The following CHSY3 variants were observed in gnomAD, a reference collection of about 807,000 sequenced individuals.
CHSY3 encodes the protein N-acetylgalactosaminyl-proteoglycan 3-beta-glucuronosyltransferase 3.
CHSY3 carries 35 observed loss-of-function variants against 67.2 expected under a neutral mutation model. The ratio of observed to expected loss-of-function variants is 0.52; its 90% CI spans 0.40 to 0.69. CHSY3 has a LOEUF of 0.69. Ranked by LOEUF, CHSY3 falls within the 30% of genes least tolerant of loss-of-function variation. The probability of loss-of-function intolerance (pLI) is 0.00; values close to 1 mark genes in which losing one functional copy is unlikely to be tolerated. For missense variants in CHSY3, 1,069 were observed against 1,138.5 expected (o/e 0.94, Z 0.88); for synonymous variants, 474 against 434.7 (o/e 1.09, Z -1.12).
chr5:129,905,722 C>A, intron 1 of CHSY3, 91 bp downstream of exon 1: 1 of 1,537,000 alleles, frequency 6.5e-7, no homozygotes, highest in Non-Finnish European at 8.8e-7. Flanking sequence ...CCCTCCGCTG[C>A]TTCTCTGCCA....
chr5:129,907,307 G>A (rs1044844507), intron 1 of CHSY3, among the ~76,000 whole-genome samples: 13 of 152,182 alleles, frequency 8.5e-5, no homozygotes, highest in Admixed American at 7.2e-4. Flanking sequence ...TGAGATACAC[G>A]GGGCAAGGCA....
intron 2 of CHSY3, among the ~76,000 whole-genome samples, chr5:130,091,281 A>G (rs1766874342): frequency 6.6e-6 from 1 of 152,058 alleles, no homozygotes; most frequent in East Asian, 1.9e-4. Context: ...GAGACTCTGT[A>G]TTTTTGTCAG....
At chr5:130,118,921 G>A (rs1413099344) in intron 2 of CHSY3, among the ~76,000 whole-genome samples, 1 of 152,034 alleles carries the variant, frequency 6.6e-6, no homozygotes, top group African/African-American at 2.4e-5. Flanking sequence ...ATGACTAAAA[G>A]CTCAATGCTG....
At chr5:130,003,518 G>A (rs761662217) in intron 2 of CHSY3, among the ~76,000 whole-genome samples, 7 of 152,088 alleles carry the variant, frequency 4.6e-5, no homozygotes, top group Non-Finnish European at 1.0e-4. Flanking sequence ...TTCTTCCCAA[G>A]CACAATTGTA....
chr5:129,905,809 C>G (rs906966779), intron 1 of CHSY3, 178 bp downstream of exon 1: 2 of 1,331,706 alleles, frequency 1.5e-6, no homozygotes, highest in East Asian at 5.2e-5. Context: ...GTAGCCCGTT[C>G]CTCGTCTTCT....
At chr5:129,909,057 A>T (rs1387994006) in intron 2 of CHSY3, among the ~76,000 whole-genome samples, 1 of 152,140 alleles carries the variant, frequency 6.6e-6, no homozygotes, top group African/African-American at 2.4e-5. Flanking sequence ...TTTTCTGAAA[A>T]GGAACCATTA....
chr5:130,143,804 A>ATATATATGTG (rs1356600752), intron 2 of CHSY3, among the ~76,000 whole-genome samples: 1 of 37,378 alleles, frequency 2.7e-5, no homozygotes, highest in Non-Finnish European at 5.3e-5. Flanking sequence ...ATATATATAT[A>ATATATATGTG]TGTGTGTATA....
At chr5:130,067,859 G>A (rs1039505287) in intron 2 of CHSY3, among the ~76,000 whole-genome samples, 1 of 152,036 alleles carries the variant, frequency 6.6e-6, no homozygotes, top group Non-Finnish European at 1.5e-5. Flanking sequence ...ATAAAGCATT[G>A]TTGAATGATT....
intron 2 of CHSY3, among the ~76,000 whole-genome samples, chr5:129,970,548 T>C (rs1238539983): frequency 6.6e-6 from 1 of 151,874 alleles, no homozygotes; most frequent in Non-Finnish European, 1.5e-5. Flanking sequence ...TGGTAAGGAA[T>C]AGATAAAAGT....
intron 2 of CHSY3, among the ~76,000 whole-genome samples, chr5:130,179,468 A>C (rs1328968069): frequency 1.3e-5 from 2 of 152,200 alleles, no homozygotes; most frequent in African/African-American, 4.8e-5. Context: ...CCTTAATAAT[A>C]GCTTTCCACA....
chr5:129,943,704 C>T (rs942955928), intron 2 of CHSY3, among the ~76,000 whole-genome samples: 2 of 152,068 alleles, frequency 1.3e-5, no homozygotes, highest in African/African-American at 4.8e-5. Flanking sequence ...AGATCTAATT[C>T]GGAGCTGTAG....
chr5:129,936,026 A>G (rs532752816), intron 2 of CHSY3, among the ~76,000 whole-genome samples: 12 of 152,228 alleles, frequency 7.9e-5, no homozygotes, highest in Non-Finnish European at 1.8e-4. Context: ...GCTGTAGTAA[A>G]GTACTGATTA....
intron 2 of CHSY3, among the ~76,000 whole-genome samples, chr5:130,163,146 AAGTT>A (rs1769609760): frequency 6.6e-6 from 1 of 152,322 alleles, no homozygotes; most frequent in Admixed American, 6.5e-5. Flanking sequence ...AGTAATGTCT[AAGTT>A]AGTTATCATT....
intron 2 of CHSY3, among the ~76,000 whole-genome samples, chr5:130,154,090 T>C (rs558457560): frequency 6.6e-6 from 1 of 152,234 alleles, no homozygotes; most frequent in South Asian, 2.1e-4. Context: ...CTAATTTTCA[T>C]ACTTTTAGTA....
intron 2 of CHSY3, among the ~76,000 whole-genome samples, chr5:130,134,288 G>A (rs1468137751): frequency 6.6e-6 from 1 of 152,066 alleles, no homozygotes; most frequent in Admixed American, 6.6e-5. Context: ...TCTATTTTTG[G>A]TTTCCATTTG....
chr5:130,106,889 T>C (rs1200938698), intron 2 of CHSY3, among the ~76,000 whole-genome samples: 1 of 151,530 alleles, frequency 6.6e-6, no homozygotes, highest in Admixed American at 6.6e-5. Context: ...AGGTTCATAA[T>C]TTTAGCTTAA....
intron 2 of CHSY3, among the ~76,000 whole-genome samples, chr5:130,107,506 G>A (rs1767447644): frequency 1.3e-5 from 2 of 151,244 alleles, no homozygotes; most frequent in Non-Finnish European, 3.0e-5. Context: ...TATATATAGA[G>A]GAAATGGTAC....
chr5:129,982,078 C>A (rs1297400058), intron 2 of CHSY3, among the ~76,000 whole-genome samples: 1 of 152,058 alleles, frequency 6.6e-6, no homozygotes, highest in African/African-American at 2.4e-5. Flanking sequence ...TCTTTTTATA[C>A]ATTGTTCACT....
chr5:130,065,682 G>A (rs1281648127), intron 2 of CHSY3, among the ~76,000 whole-genome samples: 3 of 152,072 alleles, frequency 2.0e-5, no homozygotes, highest in Non-Finnish European at 4.4e-5. Flanking sequence ...GCACTACTGT[G>A]TCACCAGTTT....
Sources: allele counts gnomAD v4.1 joint callset (sites outside exome capture counted in the v4.1 genomes callset), GRCh38; gene constraint gnomAD v4.1.1; transcripts MANE v1.5; gene names NCBI Gene and HGNC (gene_info 2026-07-23, HGNC 2026-07-21).